Variants in SBK1 observed in about 807,000 individuals in gnomAD.
The protein encoded by SBK1 is serine/threonine-protein kinase SBK1.
Under a neutral mutation model 24.4 loss-of-function variants are expected in SBK1, and 11 were observed. That is an observed-to-expected ratio of 0.45 (90% CI 0.28 to 0.75). SBK1 has a LOEUF of 0.75. Ranked by LOEUF, SBK1 falls within the 30% of genes least tolerant of loss-of-function variation. The pLI, the probability that SBK1 is intolerant of heterozygous loss-of-function variation, is 0.12. For synonymous variants in SBK1, 308 were observed against 284.4 expected (o/e 1.08, Z -0.83); for missense variants, 467 against 620.5 (o/e 0.75, Z 2.63).
chr16:28,271,786 C>T (rs2044467251), intron 1 of SBK1, among the ~76,000 whole-genome samples: 1 of 152,136 alleles, frequency 6.6e-6, no homozygotes, highest in African/African-American at 2.4e-5. Flanking sequence ...GTACTCCCCT[C>T]TCCAAAAAAT....
chr16:28,311,358 G>A (rs1031957506), intron 1 of SBK1, among the ~76,000 whole-genome samples: 2 of 152,152 alleles, frequency 1.3e-5, no homozygotes, highest in African/African-American at 4.8e-5. Flanking sequence ...GAGACCTGGC[G>A]ATGAGGAGGC....
At chr16:28,309,800 AT>A (rs1302651766) in intron 1 of SBK1, among the ~76,000 whole-genome samples, 1 of 151,902 alleles carries the variant, frequency 6.6e-6, no homozygotes, top group Non-Finnish European at 1.5e-5. Context: ...AATGAATGAA[AT>A]TTTTCCAAGT....
At chr16:28,303,502 CTTTTCTTTTT>C (rs2044693827) in intron 1 of SBK1, among the ~76,000 whole-genome samples, 1 of 114,048 alleles carries the variant, frequency 8.8e-6, no homozygotes, top group Non-Finnish European at 1.8e-5. Context: ...CTTTTCTTTT[CTTTTCTTTTT>C]TTTTTTTTTT....
chr16:28,280,481 C>A (rs2044527056), intron 1 of SBK1, among the ~76,000 whole-genome samples: 1 of 151,110 alleles, frequency 6.6e-6, no homozygotes, highest in Non-Finnish European at 1.5e-5. Context: ...AGGCATGAGC[C>A]ACCACGCCCA....
chr16:28,301,172 C>T (rs766601147), intron 1 of SBK1, among the ~76,000 whole-genome samples: 11 of 152,216 alleles, frequency 7.2e-5, no homozygotes, highest in Non-Finnish European at 1.2e-4. Context: ...CCCAGGCAGC[C>T]AGGCTGGGAA....
chr16:28,304,292 C>G (rs1041564847), intron 1 of SBK1, among the ~76,000 whole-genome samples: 10 of 152,188 alleles, frequency 6.6e-5, no homozygotes. Flanking sequence ...GGAACCTCCC[C>G]CAGCCTCGCA....
chr16:28,265,616 A>G (rs186774236), intron 1 of SBK1, among the ~76,000 whole-genome samples: 2 of 152,156 alleles, frequency 1.3e-5, no homozygotes, highest in African/African-American at 4.8e-5. Flanking sequence ...AAACATAAAT[A>G]ATTTTTTAAA....
upstream of SBK1, chr16:28,292,447 C>CGGG (rs1287226903): frequency 4.0e-5 from 30 of 758,600 alleles, no homozygotes; most frequent in Admixed American, 7.3e-5. Flanking sequence ...GACAAAGGGG[C>CGGG]GGGCGGCGGC....
chr16:28,280,171 G>GTGTGTGTGTGTGTGTGTGTA lies in SBK1; in HGVS notation c.257+20670_257+20671insGTGTGTGTGTGTGTGTGTAT, dbSNP rs1247488558. ...TATATGTGTGTGTGTGTGTGTGTGT[G>GTGTGTGTGTGTGTGTGTGTA]TATGTATATATACATATATATGTAC... On this transcript the variant is annotated intron_variant, in intron 1 of 3. Coordinates refer to the SBK1 transcript ENST00000671413. Among the ~76,000 whole-genome samples, 393 of 109,472 alleles carry GTGTGTGTGTGTGTGTGTGTA rather than the reference G, an allele frequency of 3.6e-3. 12 individuals carry two copies. The highest frequency in any genetic ancestry group is 0.012 in the East Asian group (46 of 3,820). 71.8% of individuals were successfully genotyped at this position (109,472 alleles called of 152,430 possible).
At chr16:28,315,532 G>A (rs1019970814) in intron 1 of SBK1, among the ~76,000 whole-genome samples, 2 of 152,116 alleles carry the variant, frequency 1.3e-5, no homozygotes, top group Non-Finnish European at 2.9e-5. Flanking sequence ...AGGCTAAGGT[G>A]GAAGGATCGC....
At chr16:28,310,753 G>A (rs1332911058) in intron 1 of SBK1, among the ~76,000 whole-genome samples, 2 of 152,138 alleles carry the variant, frequency 1.3e-5, no homozygotes, top group East Asian at 3.8e-4. Flanking sequence ...TCCTGAGAAC[G>A]GCCAGGCAGG....
intron 1 of SBK1, among the ~76,000 whole-genome samples, chr16:28,269,898 A>T (rs1372218325): frequency 6.6e-6 from 1 of 152,034 alleles, no homozygotes; most frequent in Non-Finnish European, 1.5e-5. Context: ...AAACAAAAAC[A>T]AAGGATAAAA....
intron 1 of SBK1, among the ~76,000 whole-genome samples, chr16:28,308,738 G>GGGGT (rs922964033): frequency 8.6e-6 from 1 of 116,542 alleles, no homozygotes; most frequent in Non-Finnish European, 1.9e-5. Context: ...GGCGTTCTTT[G>GGGGT]GGGTGTGTGT....
In SBK1 at chr16:28,320,888, G is replaced by A; in HGVS notation, c.1242G>A (p.Val414=). The change falls in exon 4 of 4, where the codon GTG becomes GTA. Residue 414 remains valine (V), a synonymous_variant. Coordinates refer to ENST00000341901, the MANE Select transcript of SBK1 (RefSeq NM_001024401.3). This position sits in a 1 kb window ranked among gnomAD's most constrained non-coding sequence, Gnocchi z 8.5. Reference sequence around the variant, plus strand: ...GCGCGGACAAGAGCAAAGGGCAGGTGGTGCTGGCCACGGCCATCGAGATCT... The same window carrying A: ...GCGCGGACAAGAGCAAAGGGCAGGTAGTGCTGGCCACGGCCATCGAGATCT... The part of the protein sequence containing the change: ...DGRADKSKGQ[V]VLATAIEICV 1 of 1,503,550 alleles carries A rather than the reference G, an allele frequency of 6.7e-7. No individual in the cohort carries two copies. The highest frequency in any genetic ancestry group is 2.9e-5 in the East Asian group (1 of 34,748). The allele number at this position is 1,503,550 out of a possible 1,614,324, so 93.1% of individuals were successfully genotyped here.
Position 28,319,140 on chromosome 16 carries a change from C to G in SBK1, c.372C>G (p.Tyr124Ter), listed in dbSNP as rs764447992. ...TGGTCTTTGAGACAGAGGACTGCTA[C>G]GTCTTTGCCCAGGAGTACGCACCTG... ...FDVVFETEDC[Y>*]VFAQEYAPAG... The change falls in exon 3 of 4, where the codon TAC becomes TAG. Residue 124 changes from tyrosine (Y) to a stop codon, truncating the protein, a stop_gained. Transcript: ENST00000341901. LOFTEE classifies it high-confidence loss of function. This position sits in a 1 kb window ranked among gnomAD's most constrained non-coding sequence, Gnocchi z 4.0. 3.1e-6 allele frequency: 5 copies of G among 1,614,090 alleles called. No individual in the cohort carries two copies. The highest frequency in any genetic ancestry group is 1.3e-5 in the African/African-American group (1 of 75,036).
rs917725876 is a variant in SBK1, at chr16:28,320,972, C to T, written c.*51C>T. On this transcript the variant is annotated 3_prime_UTR_variant, in exon 4 of 4. Coordinates refer to ENST00000341901, the MANE Select transcript of SBK1 (RefSeq NM_001024401.3). This position sits in a 1 kb window ranked among gnomAD's most constrained non-coding sequence, Gnocchi z 8.5. ...GGAGCAGCCCGGGCCCGCCCCGAGC[C>T]GGTGCCCGGTGCGGCGGTAGGGAAT... 3 of 1,333,090 alleles carry T rather than the reference C, an allele frequency of 2.3e-6. No individual in the cohort carries two copies. The highest frequency in any genetic ancestry group is 3.2e-5 in the African/African-American group (2 of 63,052). The allele number at this position is 1,333,090 out of a possible 1,614,324, so 82.6% of individuals were successfully genotyped here.
At chr16:28,262,936 C>T (rs1489652254) in intron 1 of SBK1, among the ~76,000 whole-genome samples, 1 of 152,076 alleles carries the variant, frequency 6.6e-6, no homozygotes, top group South Asian at 2.1e-4. Context: ...GATCCAGGCT[C>T]CTCTCATCTT....
chr16:28,315,017 G>A (rs1039168485), intron 1 of SBK1, among the ~76,000 whole-genome samples: 2 of 152,264 alleles, frequency 1.3e-5, no homozygotes, highest in South Asian at 4.1e-4. Context: ...AGTGCAGGGA[G>A]GGTAGAGGGA....
Position 28,319,967 on chromosome 16 carries a change from A to T in SBK1, c.430-109A>T. ...TGCGCGGTCGCCCCAGTTACTGGGG[A>T]CAGGGTGGGAGGCGAAAACCGCCTT... On this transcript the variant is annotated intron_variant, in intron 3 of 3. Transcript: ENST00000341901. This position sits in a 1 kb window ranked among gnomAD's most constrained non-coding sequence, Gnocchi z 4.0. 2 of 1,117,172 alleles carry T rather than the reference A, an allele frequency of 1.8e-6. No homozygotes were observed. Among genetic ancestry groups the T allele is most frequent in the Non-Finnish European group, 2.4e-6 (2 of 823,408 alleles). 69.2% of individuals were successfully genotyped at this position (1,117,172 alleles called of 1,614,324 possible).
Sources: gnomAD v4.1 joint callset for allele counts (sites outside exome capture counted in the v4.1 genomes callset) on GRCh38, gnomAD v4.1.1 for gene constraint, Gnocchi (gnomAD v3.1) non-coding constraint, MANE v1.5 for transcripts, NCBI Gene and HGNC (gene_info 2026-07-23, HGNC 2026-07-21) for gene names.